STXBP6: variants seen among roughly 807,000 people sequenced by gnomAD.
STXBP6 encodes the protein syntaxin-binding protein 6.
STXBP6 carries 21 observed loss-of-function variants against 26.9 expected under a neutral mutation model. The observed-to-expected ratio is 0.78, with a 90% confidence interval of 0.55 to 1.12. The LOEUF is 1.12. Ranked by LOEUF, STXBP6 falls within the 50% of genes most tolerant of loss-of-function variation. The pLI is 0.00. For missense variants in STXBP6, 232 were observed against 257.9 expected (o/e 0.90, Z 0.69); for synonymous variants, 97 against 92.6 (o/e 1.05, Z -0.27).
At chr14:24,857,980 G>T (rs895846306) in intron 2 of STXBP6, among the ~76,000 whole-genome samples, 38 of 152,028 alleles carry the variant, frequency 2.5e-4, no homozygotes, top group African/African-American at 8.9e-4. Context: ...TTTCCTAAAA[G>T]CTTCTCCTGA....
chr14:24,950,598 A>C (rs1320546243), intron 2 of STXBP6, among the ~76,000 whole-genome samples: 1 of 152,202 alleles, frequency 6.6e-6, no homozygotes, highest in African/African-American at 2.4e-5. Context: ...ATATTCTAGG[A>C]TTCTATTTAT....
chr14:24,817,538 C>G (rs1358800242), intron 5 of STXBP6: 1 of 164,610 alleles, frequency 6.1e-6, no homozygotes, highest in African/African-American at 2.4e-5. Context: ...TTAGCCTCCT[C>G]TACCCAACTC....
intron 2 of STXBP6, among the ~76,000 whole-genome samples, chr14:24,892,690 A>G (rs977245561): frequency 2.0e-5 from 3 of 152,188 alleles, no homozygotes; most frequent in Non-Finnish European, 4.4e-5. Flanking sequence ...TCCCATTGAC[A>G]GCACTGAGTT....
chr14:24,941,921 G>A (rs1206428500), intron 2 of STXBP6, among the ~76,000 whole-genome samples: 2 of 152,232 alleles, frequency 1.3e-5, no homozygotes, highest in Non-Finnish European at 2.9e-5. Flanking sequence ...AGGAGCTGCT[G>A]GCTGAATGCC....
Position 24,951,305 on chromosome 14 carries a change from G to C in STXBP6, c.154+23360C>G, listed in dbSNP as rs1368455814. On this transcript the variant is annotated intron_variant, in intron 2 of 5. Coordinates refer to ENST00000323944, the MANE Select transcript of STXBP6 (RefSeq NM_001394410.1). ...GTATTTCTAGTTCTAGATCCTTAAG[G>C]AATTGCCACACTGTCTTCCACAATG... 2.0e-5 allele frequency among the ~76,000 whole-genome samples: 3 copies of C among 152,244 alleles called. No individual in the cohort carries two copies. In the East Asian group the frequency reaches 5.8e-4, roughly 29 times the overall value.
chr14:24,975,456 T>C (rs1419038725), intron 1 of STXBP6, among the ~76,000 whole-genome samples: 1 of 152,228 alleles, frequency 6.6e-6, no homozygotes, highest in Non-Finnish European at 1.5e-5. Context: ...TGGGTTCTAG[T>C]TTGCAGTGCT....
At chr14:24,973,863 A>G (rs1453064227) in intron 2 of STXBP6, among the ~76,000 whole-genome samples, 1 of 152,228 alleles carries the variant, frequency 6.6e-6, no homozygotes, top group Admixed American at 6.5e-5. Context: ...CAAAAACATA[A>G]AGTTTTATTC....
intron 1 of STXBP6, among the ~76,000 whole-genome samples, chr14:25,043,387 T>TA (rs1451690943): frequency 7.9e-5 from 12 of 151,966 alleles, no homozygotes; most frequent in South Asian, 2.1e-4. Flanking sequence ...TCATTTTTTT[T>TA]TAAAAAAACA....
At chr14:24,962,521 T>G (rs2140129923) in intron 2 of STXBP6, among the ~76,000 whole-genome samples, 1 of 151,844 alleles carries the variant, frequency 6.6e-6, no homozygotes, top group South Asian at 2.1e-4. Context: ...TGAGATGGGG[T>G]TTCTCCACGT....
chr14:24,851,181 C>T (rs1262419074), intron 4 of STXBP6, among the ~76,000 whole-genome samples: 1 of 151,300 alleles, frequency 6.6e-6, no homozygotes, highest in African/African-American at 2.4e-5. Context: ...GGGACCTTGA[C>T]CTAATATGGC....
chr14:24,840,645 A>G (rs2068756842), intron 4 of STXBP6, among the ~76,000 whole-genome samples: 1 of 152,140 alleles, frequency 6.6e-6, no homozygotes, highest in Non-Finnish European at 1.5e-5. Flanking sequence ...TTGGGAATCT[A>G]CCTTCACCTT....
chr14:24,900,982 G>A lies in STXBP6; in HGVS notation c.155-43825C>T, dbSNP rs576141748. Among the ~76,000 whole-genome samples, 4 of 152,250 alleles carry A rather than the reference G, an allele frequency of 2.6e-5. No homozygotes were observed. The South Asian group carries it at 8.3e-4, about 31-fold the overall frequency. On this transcript the variant is annotated intron_variant, in intron 2 of 5. Coordinates refer to ENST00000323944, the MANE Select transcript of STXBP6 (RefSeq NM_001394410.1). ...GGAAGGAGGAGCAATTCTGCTTGTAGCAGCACAAACTGTTACCGCTGGACA... is the reference window on the plus strand; with the variant it reads ...GGAAGGAGGAGCAATTCTGCTTGTAACAGCACAAACTGTTACCGCTGGACA...
At position 24,987,990 on chromosome 14, in the gene STXBP6, C is replaced by T. The variant is rs978907492; in HGVS notation, c.-32-13140G>A. On this transcript the variant is annotated intron_variant, in intron 1 of 5. Coordinates refer to ENST00000323944, the MANE Select transcript of STXBP6 (RefSeq NM_001394410.1). ...CTTACATTCTAGTGGGGAAGAAGAA[C>T]AATCAACAAGTTAGCCAATCAATGC... 6.4e-6 allele frequency: 4 copies of T among 624,348 alleles called. No homozygotes were observed. The African/African-American group carries it at 8.0e-5, about 12-fold the overall frequency. The allele number at this position is 624,348 out of a possible 1,614,324, so 38.7% of individuals were successfully genotyped here.
chr14:25,036,946 TTACACGGAATA>T (rs748101360), intron 1 of STXBP6, among the ~76,000 whole-genome samples: 59 of 152,292 alleles, frequency 3.9e-4, no homozygotes, highest in Admixed American at 7.8e-4. Context: ...GACCTGCTTT[TTACACGGAATA>T]TACACGGAAT....
intron 2 of STXBP6, among the ~76,000 whole-genome samples, chr14:24,931,833 A>G (rs1268015149): frequency 6.6e-6 from 1 of 152,192 alleles, no homozygotes; most frequent in Non-Finnish European, 1.5e-5. Context: ...GGTACTGGGT[A>G]GAGGCCTGCC....
chr14:24,818,740 C>G (rs997397083), intron 5 of STXBP6, among the ~76,000 whole-genome samples: 1 of 152,036 alleles, frequency 6.6e-6, no homozygotes, highest in Non-Finnish European at 1.5e-5. Context: ...TTCTGTGCCT[C>G]GATACTTGAG....
At chr14:24,964,614 C>T (rs2073668524) in intron 2 of STXBP6, among the ~76,000 whole-genome samples, 2 of 150,236 alleles carry the variant, frequency 1.3e-5, no homozygotes, top group African/African-American at 4.9e-5. Flanking sequence ...AACTGAGTTT[C>T]AAAGACATGA....
At chr14:24,891,835 A>G (rs751450922) in intron 2 of STXBP6, among the ~76,000 whole-genome samples, 38 of 152,214 alleles carry the variant, frequency 2.5e-4, no homozygotes, top group Non-Finnish European at 4.9e-4. Flanking sequence ...TGTCTTGAAC[A>G]TGTAAGGCTT....
intron 1 of STXBP6, among the ~76,000 whole-genome samples, chr14:24,999,832 A>G (rs778259956): frequency 1.3e-5 from 2 of 152,186 alleles, no homozygotes; most frequent in Non-Finnish European, 2.9e-5. Flanking sequence ...TGAAGCCTCT[A>G]ATACCTCTAG....
Sources: gnomAD v4.1 joint callset for allele counts (sites outside exome capture counted in the v4.1 genomes callset) on GRCh38, gnomAD v4.1.1 for gene constraint, MANE v1.5 for transcripts, NCBI Gene and HGNC (gene_info 2026-07-23, HGNC 2026-07-21) for gene names.